Variants in XKR6 observed in about 807,000 individuals in gnomAD.
The protein encoded by XKR6 is XK-related protein 6.
Under a neutral mutation model 56.7 loss-of-function variants are expected in XKR6, and 22 were observed. The ratio of observed to expected loss-of-function variants is 0.39; its 90% CI spans 0.28 to 0.55. The LOEUF is 0.55. XKR6 is among the 20% of genes least tolerant of loss of function. XKR6 has a pLI of 0.66. For synonymous variants in XKR6, 524 were observed against 387.8 expected (o/e 1.35, Z -4.13); for missense variants, 852 against 889.0 (o/e 0.96, Z 0.53).
At chr8:11,189,977 T>G (rs976360366) in intron 1 of XKR6, among the ~76,000 whole-genome samples, 2 of 151,892 alleles carry the variant, frequency 1.3e-5, no homozygotes, top group East Asian at 1.9e-4. Context: ...ACCAACATGG[T>G]GAAACACTTT....
At chr8:11,053,674 T>G (rs930253320) in intron 1 of XKR6, among the ~76,000 whole-genome samples, 13 of 152,210 alleles carry the variant, frequency 8.5e-5, no homozygotes, top group African/African-American at 3.1e-4. Context: ...CTTTCATTGA[T>G]CAAATCTGTT....
At chr8:11,149,875 T>C (rs889054063) in intron 1 of XKR6, among the ~76,000 whole-genome samples, 1 of 152,222 alleles carries the variant, frequency 6.6e-6, no homozygotes, top group Admixed American at 6.5e-5. Flanking sequence ...GTGGTATATA[T>C]ACATGATGAA....
intron 1 of XKR6, among the ~76,000 whole-genome samples, chr8:11,193,194 C>A (rs1449860068): frequency 6.6e-6 from 1 of 152,176 alleles, no homozygotes; most frequent in Admixed American, 6.5e-5. Flanking sequence ...TGAGCACAGT[C>A]CATGCTCTAA....
At chr8:11,084,464 T>G (rs571124551) in intron 1 of XKR6, among the ~76,000 whole-genome samples, 27 of 152,182 alleles carry the variant, frequency 1.8e-4, no homozygotes, top group Non-Finnish European at 2.9e-4. Flanking sequence ...AATTGCACTA[T>G]TTACCATAGA....
At position 11,201,371 on chromosome 8, in the gene XKR6, G is replaced by A. The variant is rs774926907; in HGVS notation, c.-32C>T. ...TCTCTTCCCAGCTCCGGAGGTTGGG[G>A]GGGAGGGACGGCGGGGGGGGGGGGA... On this transcript the variant is annotated 5_prime_UTR_variant, in exon 1 of 3. Coordinates refer to ENST00000416569, the MANE Select transcript of XKR6 (RefSeq NM_173683.4). 4 of 1,415,120 alleles carry A rather than the reference G, an allele frequency of 2.8e-6. No individual in the cohort carries two copies. The African/African-American group carries it at 4.8e-5, about 17-fold the overall frequency. 87.7% of individuals were successfully genotyped at this position (1,415,120 alleles called of 1,614,324 possible).
chr8:11,087,811 A>G (rs1205628815), intron 1 of XKR6, among the ~76,000 whole-genome samples: 2 of 152,234 alleles, frequency 1.3e-5, no homozygotes, highest in African/African-American at 4.8e-5. Context: ...ATCTCCACTG[A>G]TAAGTAGTGA....
chr8:11,150,291 C>G (rs1199403485), intron 1 of XKR6, among the ~76,000 whole-genome samples: 1 of 150,528 alleles, frequency 6.6e-6, no homozygotes, highest in African/African-American at 2.4e-5. Context: ...CCCAAATAAC[C>G]CAACTAGATC....
chr8:10,967,206 G>A (rs998345856), intron 1 of XKR6, among the ~76,000 whole-genome samples: 11 of 152,170 alleles, frequency 7.2e-5, no homozygotes, highest in African/African-American at 2.7e-4. Flanking sequence ...ATCTTCTCTG[G>A]GGCTCAGTTT....
chr8:11,131,452 A>AT (rs1800100306), intron 1 of XKR6, among the ~76,000 whole-genome samples: 1 of 152,192 alleles, frequency 6.6e-6, no homozygotes. Context: ...AAAGAAGAAA[A>AT]TTCCTGAGAA....
chr8:11,013,939 A>G (rs192098324), intron 1 of XKR6, among the ~76,000 whole-genome samples: 2 of 152,344 alleles, frequency 1.3e-5, no homozygotes, highest in Admixed American at 1.3e-4. Context: ...CCAGGCCCGC[A>G]GGACAGACCC....
chr8:10,959,743 C>G (rs1802005233), intron 1 of XKR6, among the ~76,000 whole-genome samples: 1 of 152,222 alleles, frequency 6.6e-6, no homozygotes, highest in South Asian at 2.1e-4. Flanking sequence ...CACAAACATT[C>G]TGTCCAGAGC....
chr8:11,010,304 G>C (rs1798470925), intron 1 of XKR6, among the ~76,000 whole-genome samples: 1 of 152,080 alleles, frequency 6.6e-6, no homozygotes, highest in Non-Finnish European at 1.5e-5. Context: ...TCCAACATTG[G>C]GAATTACAAT....
At chr8:10,960,213 G>GCAGGTACAGCAGGTGGGTA (rs1802020640) in intron 1 of XKR6, among the ~76,000 whole-genome samples, 1 of 151,702 alleles carries the variant, frequency 6.6e-6, no homozygotes, top group African/African-American at 2.4e-5. Context: ...GCAGGTGGGT[G>GCAGGTACAGCAGGTGGGTA]CAGGTATAGC....
intron 1 of XKR6, among the ~76,000 whole-genome samples, chr8:11,037,493 G>A (rs1799175334): frequency 6.6e-6 from 1 of 152,320 alleles, no homozygotes. Context: ...CAAAAGTACC[G>A]GGATTACAGG....
At chr8:10,984,494 A>C (rs1797805680) in intron 1 of XKR6, among the ~76,000 whole-genome samples, 2 of 152,116 alleles carry the variant, frequency 1.3e-5, no homozygotes, top group Non-Finnish European at 2.9e-5. Context: ...AAAAGAAAGA[A>C]AGAATTATAA....
At chr8:11,169,414 T>A (rs1802250233) in intron 1 of XKR6, among the ~76,000 whole-genome samples, 1 of 151,976 alleles carries the variant, frequency 6.6e-6, no homozygotes, top group Non-Finnish European at 1.5e-5. Flanking sequence ...ACAAACAAAA[T>A]GTAGTAAATA....
chr8:11,089,550 T>C (rs910292519), intron 1 of XKR6, among the ~76,000 whole-genome samples: 5 of 152,084 alleles, frequency 3.3e-5, no homozygotes, highest in African/African-American at 1.2e-4. Context: ...GGCAGGAGGA[T>C]TTCTTAAATC....
At chr8:11,101,547 A>T (rs1298229495) in intron 1 of XKR6, among the ~76,000 whole-genome samples, 1 of 152,240 alleles carries the variant, frequency 6.6e-6, no homozygotes, top group Non-Finnish European at 1.5e-5. Context: ...GATGGAAGAC[A>T]GGAAATTTTT....
chr8:11,186,966 A>C (rs1803307224), intron 1 of XKR6, among the ~76,000 whole-genome samples: 1 of 152,240 alleles, frequency 6.6e-6, no homozygotes, highest in East Asian at 1.9e-4. Context: ...CCCTTCAAAA[A>C]GAAAGAGAAA....
Sources: allele counts gnomAD v4.1 joint callset (sites outside exome capture counted in the v4.1 genomes callset), GRCh38; gene constraint gnomAD v4.1.1; transcripts MANE v1.5; gene names NCBI Gene and HGNC (gene_info 2026-07-23, HGNC 2026-07-21).